Variants in ARID1B observed in about 807,000 individuals in gnomAD.
ARID1B encodes AT-rich interaction domain 1B, also known as AT-rich interactive domain-containing protein 1B.
Under a neutral mutation model 212.3 loss-of-function variants are expected in ARID1B, and 30 were observed. That is an observed-to-expected ratio of 0.14 (90% CI 0.11 to 0.19). The LOEUF is 0.19. ARID1B is among the 10% of genes least tolerant of loss of function. The pLI is 1.00. For missense variants in ARID1B, 2,891 were observed against 3,204.0 expected, an observed-to-expected ratio of 0.90 and a Z score of 2.36; for synonymous variants, 1,402 against 1,301.7, an observed-to-expected ratio of 1.08 and a Z score of -1.66.
At position 156,893,045 on chromosome 6, in the gene ARID1B, C is replaced by CTTTTTTTTTTTTTTTTTTTTTTTTTTTT. The variant is rs567719662; in HGVS notation, c.1987-8316_1987-8315insTTTTTTTTTTTTTTTTTTTTTTTTTTTT. Reference sequence around the variant, plus strand: ...AACTCTTTTTTTTTCTTTTTTCTTCCTTTTTTTTTTTTTTTGAGATGGAGT... The same window carrying CTTTTTTTTTTTTTTTTTTTTTTTTTTTT: ...AACTCTTTTTTTTTCTTTTTTCTTCCTTTTTTTTTTTTTTTTTTTTTTTTTTTTTTTTTTTTTTTTTTTGAGATGGAGT... On this transcript the variant is annotated intron_variant, in intron 2 of 19. Transcript: ENST00000636930. 3.4e-4 allele frequency among the ~76,000 whole-genome samples: 29 copies of CTTTTTTTTTTTTTTTTTTTTTTTTTTTT among 85,912 alleles called. 1 individual carries two copies. The highest frequency in any genetic ancestry group is 1.2e-3 in the African/African-American group (26 of 21,314). The allele number at this position is 85,912 out of a possible 152,430, so 56.4% of individuals were successfully genotyped here. A position where few individuals can be genotyped will look rare whatever the true frequency, so the allele number is the denominator to read the frequency against.
At chr6:157,184,146 C>A (rs1792784880) in intron 12 of ARID1B, 85 bp from the exon 13 acceptor site, 1 of 1,269,766 alleles carries the variant, frequency 7.9e-7, no homozygotes, top group African/African-American at 1.5e-5. Flanking sequence ...AAAAGTCAAC[C>A]AAGACATTAA....
Position 156,778,746 on chromosome 6 carries a change from G to A in ARID1B, c.1066G>A (p.Ala356Thr), listed in dbSNP as rs2114984358. 6.6e-7 allele frequency: 1 copy of A among 1,519,956 alleles called. No homozygotes were observed. The highest frequency in any genetic ancestry group is 8.8e-7 in the Non-Finnish European group (1 of 1,131,182). The allele number at this position is 1,519,956 out of a possible 1,614,324, so 94.2% of individuals were successfully genotyped here. A position where few individuals can be genotyped will look rare whatever the true frequency, so the allele number is the denominator to read the frequency against. The part of the protein sequence containing the change: ...MGMMHSASAA[A>T]AGAPGSMDPL... Reference sequence around the variant, plus strand: ...GATGATGCACTCCGCCTCCGCCGCCGCCGCCGGGGCCCCCGGCAGCATGGA... The same window carrying A: ...GATGATGCACTCCGCCTCCGCCGCCACCGCCGGGGCCCCCGGCAGCATGGA... The change falls in exon 1 of 20, where the codon GCC (alanine) becomes ACC (threonine). Residue 356 changes from alanine (A) to threonine (T), a missense_variant. Coordinates refer to ENST00000636930, the MANE Select transcript of ARID1B (RefSeq NM_001374828.1).
At chr6:157,060,994 C>T (rs1583234962) in intron 4 of ARID1B, among the ~76,000 whole-genome samples, 1 of 152,060 alleles carries the variant, frequency 6.6e-6, no homozygotes, top group African/African-American at 2.4e-5. Context: ...TCTGCCCACT[C>T]CCCACCCCAC....
Position 157,203,944 on chromosome 6 carries a change from T to C in ARID1B, c.5342T>C (p.Ile1781Thr), listed in dbSNP as rs1562349107. 2 of 1,614,168 alleles carry C rather than the reference T, an allele frequency of 1.2e-6. No homozygotes were observed. The highest frequency in any genetic ancestry group is 3.3e-5 in the Admixed American group (2 of 60,034). The change falls in exon 19 of 20, where the codon ATT becomes ACT. Residue 1781 changes from isoleucine (I) to threonine (T), a missense_variant. By Grantham distance (89) the Ile-to-Thr change is moderately conservative. Transcript: ENST00000636930. The surrounding 1 kb of genome is among the most constrained non-coding windows in gnomAD (Gnocchi z 4.4). Reference sequence around the variant, plus strand: ...GAGAGTACGTGGGCTTTGGACACTATTAATATTCTTCTGTATGATGACAGC... The same window carrying C: ...GAGAGTACGTGGGCTTTGGACACTACTAATATTCTTCTGTATGATGACAGC... ...LAESTWALDT[I>T]NILLYDDSTV...
At chr6:156,895,456 G>C (rs772249292) in intron 2 of ARID1B, among the ~76,000 whole-genome samples, 16 of 152,198 alleles carry the variant, frequency 1.1e-4, no homozygotes, top group Non-Finnish European at 1.9e-4. Context: ...TGAAAGGCCT[G>C]GGAAGTGATT....
chr6:157,125,559 G>A (rs1170276883), intron 6 of ARID1B, among the ~76,000 whole-genome samples: 2 of 152,176 alleles, frequency 1.3e-5, no homozygotes, highest in African/African-American at 4.8e-5. Context: ...GGCCAGATTT[G>A]CCCGGGTCTT....
At chr6:157,026,797 C>T (rs761866026) in intron 4 of ARID1B, among the ~76,000 whole-genome samples, 6 of 151,928 alleles carry the variant, frequency 3.9e-5, no homozygotes, top group Non-Finnish European at 7.4e-5. Flanking sequence ...ATTACAGATG[C>T]GTGCCACTGC....
chr6:157,044,477 A>G (rs1782091778), intron 4 of ARID1B, among the ~76,000 whole-genome samples: 1 of 152,224 alleles, frequency 6.6e-6, no homozygotes, highest in African/African-American at 2.4e-5. Context: ...AAACAGAAAA[A>G]AATACAATGG....
chr6:157,175,286 C>G (rs1392709414), intron 11 of ARID1B: 1 of 187,530 alleles, frequency 5.3e-6, no homozygotes, highest in Non-Finnish European at 1.1e-5. Context: ...GGTCCAAACT[C>G]CTTCACACAG....
chr6:156,990,590 G>A lies in ARID1B; in HGVS notation c.2247+55014G>A, dbSNP rs1312488545. Among the ~76,000 whole-genome samples, 12 of 152,162 alleles carry A rather than the reference G, an allele frequency of 7.9e-5. No individual in the cohort carries two copies. The South Asian group carries it at 8.3e-4, about 11-fold the overall frequency. ...AGGGAGTTGGTGGTTGCAGTGAGCC[G>A]AGATCGCACCACTGCACTCCAGCCT... On this transcript the variant is annotated intron_variant, in intron 4 of 19. Coordinates refer to ENST00000636930, the MANE Select transcript of ARID1B (RefSeq NM_001374828.1).
chr6:157,062,971 C>CT (rs772228189), intron 4 of ARID1B, among the ~76,000 whole-genome samples: 113 of 151,914 alleles, frequency 7.4e-4, no homozygotes, highest in Non-Finnish European at 1.4e-3. Flanking sequence ...TCCCAAAGTG[C>CT]TGGGATTACA....
chr6:157,011,217 A>G (rs1204673495), intron 4 of ARID1B, among the ~76,000 whole-genome samples: 2 of 152,370 alleles, frequency 1.3e-5, no homozygotes, highest in African/African-American at 2.4e-5. Context: ...TAAAGCATGT[A>G]TATATTATCG....
chr6:157,149,239 C>G (rs1449548458), intron 8 of ARID1B: 1 of 397,728 alleles, frequency 2.5e-6, no homozygotes, highest in Non-Finnish European at 4.7e-6. Context: ...CAAACCAGAT[C>G]TGGTTGCACA....
intron 5 of ARID1B, among the ~76,000 whole-genome samples, chr6:157,100,358 G>A (rs768256022): frequency 1.3e-5 from 2 of 152,276 alleles, no homozygotes; most frequent in Admixed American, 6.5e-5. Flanking sequence ...TCACACCCAC[G>A]CACTTCAGAT....
At chr6:157,069,347 A>G (rs1036442366) in intron 4 of ARID1B, among the ~76,000 whole-genome samples, 1 of 152,112 alleles carries the variant, frequency 6.6e-6, no homozygotes, top group African/African-American at 2.4e-5. Flanking sequence ...GTTCCTGAGG[A>G]CTGTTTATGG....
chr6:156,914,233 C>T (rs142551878), intron 3 of ARID1B, among the ~76,000 whole-genome samples: 153 of 152,336 alleles, frequency 1.0e-3, no homozygotes, highest in African/African-American at 3.4e-3. Flanking sequence ...CCATTCCACT[C>T]TCCACTTCTG....
At chr6:156,866,364 G>A (rs1785693269) in intron 2 of ARID1B, among the ~76,000 whole-genome samples, 1 of 152,156 alleles carries the variant, frequency 6.6e-6, no homozygotes, top group Non-Finnish European at 1.5e-5. Context: ...TATACTCGGA[G>A]GTGTCTGCTG....
At chr6:156,792,559 A>G (rs980478422) in intron 1 of ARID1B, among the ~76,000 whole-genome samples, 11 of 152,372 alleles carry the variant, frequency 7.2e-5, no homozygotes, top group East Asian at 1.9e-4. Context: ...TGTAAAATTC[A>G]GTATAAATAA....
At chr6:157,093,007 G>T (rs1489582018) in intron 5 of ARID1B, among the ~76,000 whole-genome samples, 1 of 152,212 alleles carries the variant, frequency 6.6e-6, no homozygotes, top group Non-Finnish European at 1.5e-5. Flanking sequence ...CTGCTCAGCT[G>T]AGTGTCACTG....
Sources: gnomAD v4.1 joint callset for allele counts (sites outside exome capture counted in the v4.1 genomes callset) on GRCh38, gnomAD v4.1.1 for gene constraint, Gnocchi (gnomAD v3.1) non-coding constraint, MANE v1.5 for transcripts, NCBI Gene and HGNC (gene_info 2026-07-23, HGNC 2026-07-21) for gene names.